ZSWIM8: variants seen among roughly 807,000 people sequenced by gnomAD.
ZSWIM8 encodes the protein zinc finger SWIM-type containing 8.
A neutral mutation model predicts 173.7 loss-of-function variants in ZSWIM8; 27 were observed. That is an observed-to-expected ratio of 0.16 (90% CI 0.11 to 0.21). The LOEUF (loss-of-function observed/expected upper bound fraction) is 0.21. ZSWIM8 is among the 10% of genes least tolerant of loss of function. The probability of loss-of-function intolerance (pLI) is 1.00; values close to 1 mark genes in which losing one functional copy is unlikely to be tolerated. For missense variants in ZSWIM8, 1,627 were observed against 2,428.8 expected, an observed-to-expected ratio of 0.67 and a Z score of 6.94; for synonymous variants, 958 against 962.0, an observed-to-expected ratio of 1.00 and a Z score of 0.08.
At chr10:73,798,153 T>G (rs1290166100) in intron 19 of ZSWIM8, 77 bp from the exon 20 acceptor site, 14 of 1,592,682 alleles carry the variant, frequency 8.8e-6, no homozygotes, top group Non-Finnish European at 1.2e-5. Context: ...GTTACTGATC[T>G]GATAAAAAGA....
At chr10:73,798,580 C>T in intron 20 of ZSWIM8, 127 bp downstream of exon 20, 1 of 843,186 alleles carries the variant, frequency 1.2e-6, no homozygotes, top group Non-Finnish European at 1.8e-6. Flanking sequence ...TTGGTCCTCT[C>T]ATGGCAACAT....
rs985263087 is a variant in ZSWIM8, at chr10:73,800,885, G to T, written c.5122+126G>T. ...CTTGGTCGGGTATGTGTGCGTGCGC[G>T]GGGGGCGGAGGGTTACCTCAGCTCC... is the stretch of plus-strand genomic sequence containing the variant. On this transcript the variant is annotated intron_variant, in intron 24 of 25. Coordinates refer to ENST00000604729, the MANE Select transcript of ZSWIM8 (RefSeq NM_001367799.1). This position sits in a 1 kb window ranked among gnomAD's most constrained non-coding sequence, Gnocchi z 4.1. The T allele has an allele frequency of 1.9e-5, 22 of 1,175,330 alleles. No individual in the cohort carries two copies. In the East Asian group the frequency reaches 2.8e-4, roughly 15 times the overall value. The allele number at this position is 1,175,330 out of a possible 1,614,324, so 72.8% of individuals were successfully genotyped here.
intron 10 of ZSWIM8, among the ~76,000 whole-genome samples, chr10:73,793,219 GCT>G (rs766336521): frequency 4.9e-4 from 74 of 152,236 alleles, no homozygotes; most frequent in Non-Finnish European, 7.4e-4. Flanking sequence ...TATCTGCCAT[GCT>G]CTCTCTCTTG....
rs780220848 is a variant in ZSWIM8 at position 73,799,156 on chromosome 10, C to A, written c.4331C>A (p.Thr1444Lys). The change falls in exon 21 of 26, where the codon ACA (threonine) becomes AAA (lysine). Residue 1444 changes from threonine to lysine, a missense_variant. By Grantham distance (78) the Thr-to-Lys change is moderately conservative. Coordinates refer to ENST00000604729, the MANE Select transcript of ZSWIM8 (RefSeq NM_001367799.1). ...TCATCCACAGCCCGTGAAGGGGCTA[C>A]AAGCTGTAGTGCCAGTGGGATCAGG... ...GGSSTAREGA[T>K]SCSASGIRAG... 6.2e-7 allele frequency: 1 copy of A among 1,612,632 alleles called. No individual in the cohort carries two copies.
At chr10:73,787,124 A>G (rs1180301875) in intron 1 of ZSWIM8, among the ~76,000 whole-genome samples, 7 of 152,002 alleles carry the variant, frequency 4.6e-5, no homozygotes, top group African/African-American at 1.2e-4. Flanking sequence ...TTGTATTTTT[A>G]GTGGAGACCG....
chr10:73,785,744 A>G lies in ZSWIM8; in HGVS notation c.-135A>G. 1 of 911,432 alleles carries G rather than the reference A, an allele frequency of 1.1e-6. No homozygotes were observed. Among genetic ancestry groups the G allele is most frequent in the Non-Finnish European group, 1.7e-6 (1 of 592,148 alleles). 56.5% of individuals were successfully genotyped at this position (911,432 alleles called of 1,614,324 possible). On this transcript the variant is annotated 5_prime_UTR_variant, in exon 1 of 26. Transcript: ENST00000604729. ...CCCAGGCCTGAGATTCTCGCCCGGC[A>G]CGGCCGCCCTGAGCGCCCCGGCCAC...
chr10:73,796,893 C>T lies in ZSWIM8; in HGVS notation c.3153C>T (p.Gly1051=). 6.2e-7 allele frequency: 1 copy of T among 1,614,034 alleles called. No homozygotes were observed. The highest frequency in any genetic ancestry group is 8.5e-7 in the Non-Finnish European group (1 of 1,179,886). Residue 1051 remains glycine (G), a synonymous_variant, in exon 16 of 26, where the codon GGC becomes GGT. Coordinates refer to ENST00000604729, the MANE Select transcript of ZSWIM8 (RefSeq NM_001367799.1). The part of the protein sequence containing the change: ...ASQRSPSKHG[G]PSAPGALQPL... ...AGAGGTCTCCTTCAAAGCACGGGGG[C>T]CCATCTGCCCCAGGGGCCCTGCAAC... is the stretch of plus-strand genomic sequence containing the variant.
chr10:73,790,188 C>T lies in ZSWIM8; in HGVS notation c.837C>T (p.Pro279=). The T allele has an allele frequency of 1.2e-6, 2 of 1,613,052 alleles. No homozygotes were observed. Among genetic ancestry groups the T allele is most frequent in the Non-Finnish European group, 1.7e-6 (2 of 1,179,372 alleles). The change falls in exon 7 of 26, where the codon CCC becomes CCT. Residue 279 remains proline, a synonymous_variant. Coordinates refer to ENST00000604729, the MANE Select transcript of ZSWIM8 (RefSeq NM_001367799.1). ...CATCCTCAGACCCCACAGCAGGGCC[C>T]TCAGCATCGGACCAGAGTACTTGGT... ...VCGAPDPTAG[P]SASDQSTWYL...
At chr10:73,790,087 A>C (rs1203770017) in intron 6 of ZSWIM8, 50 bp downstream of exon 6, 8 of 1,609,850 alleles carry the variant, frequency 5.0e-6, no homozygotes, top group Non-Finnish European at 5.9e-6. Context: ...AGCTTGTAGT[A>C]CAGAGCGCCA....
At chr10:73,786,341 T>G (rs561290794) in intron 1 of ZSWIM8, 47 of 410,430 alleles carry the variant, frequency 1.1e-4, no homozygotes, top group South Asian at 5.8e-4. Flanking sequence ...TGTGTGTGTG[T>G]GTGTGCGCGC....
chr10:73,791,211 T>C lies in ZSWIM8; in HGVS notation c.1143+35T>C. 1 of 1,572,036 alleles carries C rather than the reference T, an allele frequency of 6.4e-7. No homozygotes were observed. Among genetic ancestry groups the C allele is most frequent in the Non-Finnish European group, 8.7e-7 (1 of 1,153,124 alleles). On this transcript the variant is annotated intron_variant, in intron 8 of 25. Transcript: ENST00000604729. This position sits in a 1 kb window ranked among gnomAD's most constrained non-coding sequence, Gnocchi z 6.0. Reference sequence around the variant, plus strand: ...CAGCGTTGGGGAGCCCCGTGGTAGCTCATTCTTTCCCTCCCCCTGCCTCAT... The same window carrying C: ...CAGCGTTGGGGAGCCCCGTGGTAGCCCATTCTTTCCCTCCCCCTGCCTCAT...
chr10:73,797,643 CCACCCTCAGAGCCA>C lies in ZSWIM8; in HGVS notation c.3662+44_3662+57del, dbSNP rs1565084690. ...AACTCCCCATCTTCCCTGATCTGGC[CCACCCTCAGAGCCA>C]CACCCCTAGTGCAATCCAACCATTG... On this transcript the variant is annotated intron_variant, in intron 18 of 25. Transcript: ENST00000604729. The surrounding 1 kb of genome is among the most constrained non-coding windows in gnomAD (Gnocchi z 5.6). The C allele has an allele frequency of 5.6e-6, 9 of 1,605,284 alleles. No homozygotes were observed. The highest frequency in any genetic ancestry group is 7.7e-6 in the Non-Finnish European group (9 of 1,174,118).
Position 73,800,583 on chromosome 10 carries a change from G to A in ZSWIM8, c.5003-57G>A. On this transcript the variant is annotated intron_variant, in intron 23 of 25. Coordinates refer to ENST00000604729, the MANE Select transcript of ZSWIM8 (RefSeq NM_001367799.1). The surrounding 1 kb of genome is among the most constrained non-coding windows in gnomAD (Gnocchi z 4.1). ...TACTGTGGGGTCAGGTGACAGGTTGGGGTAAAGGGTGAAGAGGATACACCG... is the reference window on the plus strand; with the variant it reads ...TACTGTGGGGTCAGGTGACAGGTTGAGGTAAAGGGTGAAGAGGATACACCG... 6.2e-7 allele frequency: 1 copy of A among 1,605,628 alleles called. No individual in the cohort carries two copies. Among genetic ancestry groups the A allele is most frequent in the Non-Finnish European group, 8.5e-7 (1 of 1,174,766 alleles).
chr10:73,799,481 A>G lies in ZSWIM8; in HGVS notation c.4656A>G (p.Ala1552=). The change falls in exon 21 of 26, where the codon GCA becomes GCG. Residue 1552 remains alanine (A), a synonymous_variant. Coordinates refer to ENST00000604729, the MANE Select transcript of ZSWIM8 (RefSeq NM_001367799.1). ...RPAVFPVPSS[A]YPQGVHPAFL... The stretch of plus-strand genomic sequence containing the variant: ...CCGTCTTCCCTGTGCCCAGCTCTGC[A>G]TACCCACAGGTGAGACCAGTGTTCT... 6.3e-7 allele frequency: 1 copy of G among 1,598,696 alleles called. No homozygotes were observed. Among genetic ancestry groups the G allele is most frequent in the South Asian group, 1.1e-5 (1 of 88,454 alleles).
Position 73,791,404 on chromosome 10 carries a change from G to C in ZSWIM8, c.1224G>C (p.Gln408His). The C allele has an allele frequency of 6.2e-7, 1 of 1,613,998 alleles. No homozygotes were observed. The highest frequency in any genetic ancestry group is 8.5e-7 in the Non-Finnish European group (1 of 1,179,856). ...ASGHTGRSNG[Q>H]SEVAAHACAS... ...GGCACACGGGCCGTAGCAACGGGCA[G>C]TCAGAGGTGGCAGCCCATGCCTGTG... The change falls in exon 9 of 26, where the codon CAG becomes CAC. Residue 408 changes from glutamine to histidine, a missense_variant. Physicochemically the swap from Gln to His is conservative, Grantham distance 24 (BLOSUM62 0). Coordinates refer to ENST00000604729, the MANE Select transcript of ZSWIM8 (RefSeq NM_001367799.1). This position sits in a 1 kb window ranked among gnomAD's most constrained non-coding sequence, Gnocchi z 6.0.
In ZSWIM8 at chr10:73,797,456, G is replaced by C. The variant is rs921689277; in HGVS notation, c.3513G>C (p.Gly1171=). The change falls in exon 18 of 26, where the codon GGG becomes GGC. Residue 1171 remains glycine (G), a synonymous_variant. Coordinates refer to ENST00000604729, the MANE Select transcript of ZSWIM8 (RefSeq NM_001367799.1). The surrounding 1 kb of genome is among the most constrained non-coding windows in gnomAD (Gnocchi z 5.6). ...CCTTAAGCCGGAGACCACTTCGAGG[G>C]GGCTGGGCCCCCACCTCCTGGGGTC... is the stretch of plus-strand genomic sequence containing the variant. The part of the protein sequence containing the change: ...SPTLSRRPLR[G]GWAPTSWGRG... The C allele has an allele frequency of 1.5e-5, 24 of 1,613,844 alleles. No individual in the cohort carries two copies. The highest frequency in any genetic ancestry group is 2.0e-5 in the Non-Finnish European group (24 of 1,179,880).
Position 73,796,950 on chromosome 10 carries a change from A to G in ZSWIM8, c.3210A>G (p.Gln1070=), listed in dbSNP as rs776927311. Residue 1070 remains glutamine (Q), a synonymous_variant, in exon 16 of 26, where the codon CAA becomes CAG. Transcript: ENST00000604729. ...PLTSGSAGPA[Q]PGSVAGAGPG... ...CCTCAGGCTCTGCAGGGCCTGCTCA[A>G]CCAGGGAGTGTGGCAGGGGCTGGGC... 5 of 1,613,806 alleles carry G rather than the reference A, an allele frequency of 3.1e-6. No individual in the cohort carries two copies. The highest frequency in any genetic ancestry group is 2.7e-5 in the African/African-American group (2 of 74,942).
rs1236292185 is a variant in ZSWIM8 at position 73,793,856 on chromosome 10, CCT to C, written c.2446-8_2446-7del. 2.5e-6 allele frequency: 4 copies of C among 1,600,066 alleles called. No individual in the cohort carries two copies. In the African/African-American group the frequency reaches 5.4e-5, roughly 21 times the overall value. On this transcript the variant is annotated splice_polypyrimidine_tract_variant and splice_region_variant and intron_variant, in intron 11 of 25. Transcript: ENST00000604729. ...ATCTGCCTGTCTCCTGTGTTTCTTC[CCT>C]TTCTAGGGCAAGAAGAACAAGGTAT...
chr10:73,792,004 G>T lies in ZSWIM8; in HGVS notation c.1465G>T (p.Ala489Ser). The change falls in exon 10 of 26, where the codon GCC becomes TCC. Residue 489 changes from alanine to serine, a missense_variant. By Grantham distance (99) the Ala-to-Ser change is moderately conservative. Coordinates refer to ENST00000604729, the MANE Select transcript of ZSWIM8 (RefSeq NM_001367799.1). This position sits in a 1 kb window ranked among gnomAD's most constrained non-coding sequence, Gnocchi z 4.3. ...GGCCTGCTACTTCAACTGGGAAGAG[G>T]CCTACCCACTTCCTGGTGTCACCTA... ...VEACYFNWEE[A>S]YPLPGVTYSG... 1 of 1,550,902 alleles carries T rather than the reference G, an allele frequency of 6.4e-7. No homozygotes were observed. The highest frequency in any genetic ancestry group is 8.7e-7 in the Non-Finnish European group (1 of 1,146,672).
Sources: gnomAD v4.1 joint callset for allele counts (sites outside exome capture counted in the v4.1 genomes callset) on GRCh38, gnomAD v4.1.1 for gene constraint, Gnocchi (gnomAD v3.1) non-coding constraint, MANE v1.5 for transcripts, NCBI Gene and HGNC (gene_info 2026-07-23, HGNC 2026-07-21) for gene names.